CUX1: variants seen among roughly 807,000 people sequenced by gnomAD.
The protein encoded by CUX1 is cut like homeobox 1.
CUX1 carries 31 observed loss-of-function variants against 158.8 expected under a neutral mutation model. The ratio of observed to expected loss-of-function variants is 0.20; its 90% confidence interval spans 0.15 to 0.26. CUX1 has a LOEUF of 0.26. CUX1 is among the 10% of genes least tolerant of loss of function. CUX1 has a pLI of 1.00. For synonymous variants in CUX1, 879 were observed against 862.1 expected (o/e 1.02, Z -0.34); for missense variants, 1,589 against 2,014.6 (o/e 0.79, Z 4.04).
chr7:102,269,051 C>T (rs1202447232), intron 14 of CUX1, among the ~76,000 whole-genome samples: 1 of 151,942 alleles, frequency 6.6e-6, no homozygotes, highest in Non-Finnish European at 1.5e-5. Context: ...ATCCTCCCAT[C>T]TCAGCCTCCC....
chr7:102,221,128 A>G (rs1797754670), intron 20 of CUX1, among the ~76,000 whole-genome samples: 1 of 152,096 alleles, frequency 6.6e-6, no homozygotes, highest in Non-Finnish European at 1.5e-5. Context: ...TAGTCATTGG[A>G]ATTTCCTGGC....
intron 2 of CUX1, among the ~76,000 whole-genome samples, chr7:102,004,142 A>G (rs1276874259): frequency 2.0e-5 from 3 of 152,176 alleles, no homozygotes; most frequent in Non-Finnish European, 4.4e-5. Flanking sequence ...TCCTCACCCA[A>G]TGGGGCTGAA....
intron 1 of CUX1, among the ~76,000 whole-genome samples, chr7:101,836,149 C>T (rs1794597456): frequency 2.0e-5 from 3 of 152,152 alleles, no homozygotes. Context: ...CCGTCGCTAC[C>T]TCCCTGCATT....
intron 1 of CUX1, among the ~76,000 whole-genome samples, chr7:101,872,534 G>A (rs1313188416): frequency 1.5e-5 from 2 of 130,438 alleles, no homozygotes; most frequent in East Asian, 5.5e-4. Flanking sequence ...GGGCTTCTAT[G>A]ATTTTTTTTT....
exon 23 of CUX1, chr7:102,283,429 G>A (rs1348641387): frequency 2.7e-5 from 9 of 328,192 alleles, no homozygotes; most frequent in East Asian, 5.7e-5. Context: ...GGTGACCACC[G>A]ATTCCAGCTG....
rs529709224 is a variant in CUX1, at chr7:102,086,551, C to T, written c.269-10813C>T. The stretch of plus-strand genomic sequence containing the variant: ...GTTTAGTTAGTGGTGTTCTTCAAGT[C>T]TCTTATATCCATATTGACTATATAA... On this transcript the variant is annotated intron_variant, in intron 4 of 23. Coordinates refer to ENST00000292535, the MANE Select transcript of CUX1 (RefSeq NM_181552.4). Among the ~76,000 whole-genome samples the T allele has an allele frequency of 1.8e-4, 27 of 151,458 alleles. No homozygotes were observed. In the South Asian group the frequency reaches 5.0e-3, roughly 28 times the overall value.
intron 2 of CUX1, among the ~76,000 whole-genome samples, chr7:101,969,480 C>T (rs1811670240): frequency 6.7e-6 from 1 of 148,608 alleles, no homozygotes; most frequent in South Asian, 2.2e-4. Flanking sequence ...CCAAATCATA[C>T]ATTTTGAAAT....
chr7:102,201,178 C>T lies in CUX1; in HGVS notation c.2063-182C>T, dbSNP rs1415902042. Among the ~76,000 whole-genome samples the T allele has an allele frequency of 6.6e-6, 1 of 151,926 alleles. No homozygotes were observed. The highest frequency in any genetic ancestry group is 2.4e-5 in the African/African-American group (1 of 41,336). ...AGGTCATCAAGCTGTAGTGTCAGGC[C>T]CTGGTCCTTGGTTGAGACAAGATGC... On this transcript the variant is annotated intron_variant, in intron 17 of 23. Coordinates refer to ENST00000292535, the MANE Select transcript of CUX1 (RefSeq NM_181552.4). This position sits in a 1 kb window ranked among gnomAD's most constrained non-coding sequence, Gnocchi z 5.0.
At chr7:102,043,153 G>A (rs772927110) in intron 3 of CUX1, among the ~76,000 whole-genome samples, 3 of 152,022 alleles carry the variant, frequency 2.0e-5, no homozygotes, top group East Asian at 1.9e-4. Flanking sequence ...GTTTTGCCAC[G>A]TTGGCTAGGC....
At chr7:102,144,502 A>G (rs1554501405) in intron 8 of CUX1, among the ~76,000 whole-genome samples, 2 of 152,028 alleles carry the variant, frequency 1.3e-5, no homozygotes, top group African/African-American at 4.8e-5. Flanking sequence ...TTTCTTTTTA[A>G]TATAGTCACA....
chr7:101,824,977 T>C (rs1323197684), intron 1 of CUX1, among the ~76,000 whole-genome samples: 1 of 152,220 alleles, frequency 6.6e-6, no homozygotes, highest in African/African-American at 2.4e-5. Flanking sequence ...TATTATTTTC[T>C]GTTTTTCACC....
chr7:102,142,785 G>A (rs1200750345), intron 8 of CUX1, among the ~76,000 whole-genome samples: 9 of 150,868 alleles, frequency 6.0e-5, no homozygotes, highest in South Asian at 2.1e-4. Context: ...AGCCGGGAGA[G>A]GTGATGCACA....
At chr7:102,014,858 CAAAAA>C (rs59972216) in intron 2 of CUX1, among the ~76,000 whole-genome samples, 5 of 127,894 alleles carry the variant, frequency 3.9e-5, no homozygotes, top group Admixed American at 8.2e-5. Context: ...CCCCAACCAC[CAAAAA>C]AAAAAAAAAA....
intron 20 of CUX1, among the ~76,000 whole-genome samples, chr7:102,210,028 T>C (rs962795244): frequency 3.9e-5 from 6 of 152,122 alleles, no homozygotes; most frequent in Admixed American, 6.6e-5. Context: ...CTGGGACTTA[T>C]AGACACTTTC....
At chr7:102,004,966 C>T (rs1472546248) in intron 2 of CUX1, among the ~76,000 whole-genome samples, 1 of 152,240 alleles carries the variant, frequency 6.6e-6, no homozygotes, top group Non-Finnish European at 1.5e-5. Flanking sequence ...CCATTCTTAG[C>T]TCATGGGCCA....
At chr7:102,187,527 C>A (rs1793763148) in intron 11 of CUX1, among the ~76,000 whole-genome samples, 1 of 152,126 alleles carries the variant, frequency 6.6e-6, no homozygotes, top group Non-Finnish European at 1.5e-5. Flanking sequence ...CTCAGGCTGT[C>A]GGCCTTCTTG....
chr7:102,181,267 CCT>C (rs1554513940), intron 11 of CUX1, among the ~76,000 whole-genome samples: 2 of 152,102 alleles, frequency 1.3e-5, no homozygotes, highest in Admixed American at 6.6e-5. Flanking sequence ...GCCGTTTCTT[CCT>C]CTCTCATCAG....
Position 101,916,365 on chromosome 7 carries a change from T to G in CUX1, c.141+140T>G, listed in dbSNP as rs1049650962. The G allele has an allele frequency of 1.7e-6, 1 of 598,018 alleles. No individual in the cohort carries two copies. The highest frequency in any genetic ancestry group is 1.8e-5 in the African/African-American group (1 of 54,352). The allele number at this position is 598,018 out of a possible 1,614,324, so 37.0% of individuals were successfully genotyped here. A position where few individuals can be genotyped will look rare whatever the true frequency, so the allele number is the denominator to read the frequency against. On this transcript the variant is annotated intron_variant, in intron 2 of 23. Transcript: ENST00000292535. This position sits in a 1 kb window ranked among gnomAD's most constrained non-coding sequence, Gnocchi z 4.4. The stretch of plus-strand genomic sequence containing the variant: ...AACCCGTTTCTTTCCCCAGATGTCT[T>G]CAGCCCCATTTCCAGCAGAACGCAT...
intron 2 of CUX1, among the ~76,000 whole-genome samples, chr7:101,936,741 G>A (rs747830152): frequency 2.0e-5 from 3 of 152,278 alleles, no homozygotes; most frequent in South Asian, 2.1e-4. Flanking sequence ...CGGCCTCCTC[G>A]CTTTGGGGTT....
Sources: allele counts gnomAD v4.1 joint callset (sites outside exome capture counted in the v4.1 genomes callset), GRCh38; gene constraint gnomAD v4.1.1; non-coding constraint Gnocchi (gnomAD v3.1); transcripts MANE v1.5; gene names NCBI Gene and HGNC (gene_info 2026-07-23, HGNC 2026-07-21).